The following NEDD4 variants were observed in gnomAD, a reference collection of about 807,000 sequenced individuals.
NEDD4 encodes the protein E3 ubiquitin-protein ligase NEDD4.
A neutral mutation model predicts 144.9 loss-of-function variants in NEDD4; 99 were observed. The observed-to-expected ratio is 0.68, with a 90% confidence interval of 0.58 to 0.81. The LOEUF is 0.81. Among genes scored for constraint, NEDD4 ranks in the 30% least tolerant of loss-of-function variants. The probability of loss-of-function intolerance (pLI) is 0.00; values close to 1 mark genes in which losing one functional copy is unlikely to be tolerated. For synonymous variants in NEDD4, 318 were observed against 350.6 expected, an observed-to-expected ratio of 0.91 and a Z score of 1.04; for missense variants, 985 against 1,065.9, an observed-to-expected ratio of 0.92 and a Z score of 1.06.
chr15:55,962,381 A>G (rs886879922), intron 2 of NEDD4, among the ~76,000 whole-genome samples: 2 of 152,086 alleles, frequency 1.3e-5, no homozygotes. Context: ...GTAATTATTG[A>G]TATGATTGGA....
In NEDD4 at chr15:55,983,847, G is replaced by A. The variant is rs1228749289; in HGVS notation, c.45+9664C>T. 2.6e-5 allele frequency among the ~76,000 whole-genome samples: 4 copies of A among 152,088 alleles called. No individual in the cohort carries two copies. The East Asian group carries it at 7.7e-4, about 29-fold the overall frequency. On this transcript the variant is annotated intron_variant, in intron 1 of 28. Transcript: ENST00000435532. ...GCTGGTCTCGAACTCCTGACCTCAA[G>A]TGATCCACCCATCTCAGCCTCCGAA...
intron 5 of NEDD4, among the ~76,000 whole-genome samples, chr15:55,919,916 G>A (rs1261958083): frequency 6.6e-6 from 1 of 152,140 alleles, no homozygotes; most frequent in South Asian, 2.1e-4. Flanking sequence ...GTACCCACTT[G>A]TTTGGTCAAA....
At chr15:55,850,418 T>C (rs1320771898) in intron 14 of NEDD4, 124 bp downstream of exon 14, 1 of 868,244 alleles carries the variant, frequency 1.2e-6, no homozygotes, top group Non-Finnish European at 1.8e-6. Context: ...AAGAATTCAA[T>C]ATACCTTTCA....
At chr15:55,951,611 A>G (rs2037242447) in intron 2 of NEDD4, 22 bp from the exon 3 acceptor site, 1 of 1,267,202 alleles carries the variant, frequency 7.9e-7, no homozygotes, top group Non-Finnish European at 1.1e-6. Context: ...AAAAAAAAAA[A>G]GAAAGAAAAA....
At chr15:55,969,524 G>A (rs527245504) in intron 1 of NEDD4, among the ~76,000 whole-genome samples, 4 of 152,256 alleles carry the variant, frequency 2.6e-5, no homozygotes, top group African/African-American at 9.6e-5. Flanking sequence ...GCTCCAGGAG[G>A]AGAGGTAAGA....
rs1218654865 is a variant in NEDD4 at position 55,830,146 on chromosome 15, G to A, written c.2601-147C>T. The A allele has an allele frequency of 1.1e-5, 7 of 644,142 alleles. No individual in the cohort carries two copies. In the Admixed American group the frequency reaches 2.0e-4, roughly 18 times the overall value. 39.9% of individuals were successfully genotyped at this position (644,142 alleles called of 1,614,324 possible). A position where few individuals can be genotyped will look rare whatever the true frequency, so the allele number is the denominator to read the frequency against. The stretch of plus-strand genomic sequence containing the variant: ...CACCAGGGGTAGAAGTAAGACGTAG[G>A]ACTGGGTTCTGGGCATGGATACTCT... On this transcript the variant is annotated intron_variant, in intron 28 of 28. Transcript: ENST00000435532.
chr15:55,840,000 ATATATATATATATATATATATATAT>A (rs2033419631), intron 21 of NEDD4, among the ~76,000 whole-genome samples: 3 of 13,420 alleles, frequency 2.2e-4, no homozygotes, highest in African/African-American at 6.8e-4. Context: ...AAAAAAAAAA[ATATATATATATATATATATATATAT>A]ATATATATAT....
At chr15:55,845,475 G>A (rs1211682639) in intron 18 of NEDD4, among the ~76,000 whole-genome samples, 1 of 151,992 alleles carries the variant, frequency 6.6e-6, no homozygotes, top group African/African-American at 2.4e-5. Context: ...CTTCTAAGAA[G>A]AACGCCTGGT....
At chr15:55,985,750 A>G (rs1287201590) in intron 1 of NEDD4, among the ~76,000 whole-genome samples, 4 of 128,710 alleles carry the variant, frequency 3.1e-5, no homozygotes, top group African/African-American at 1.3e-4. Context: ...ATATGTGTGT[A>G]GAGTACACAT....
intron 8 of NEDD4, among the ~76,000 whole-genome samples, chr15:55,865,144 G>A (rs2034541849): frequency 6.9e-6 from 1 of 145,830 alleles, no homozygotes; most frequent in East Asian, 2.0e-4. Context: ...GTTGCAGTGA[G>A]CTGAGATCGC....
At chr15:55,973,429 C>T (rs2037645162) in intron 1 of NEDD4, among the ~76,000 whole-genome samples, 1 of 152,232 alleles carries the variant, frequency 6.6e-6, no homozygotes, top group African/African-American at 2.4e-5. Flanking sequence ...ACTCCCAGCT[C>T]ATCAGGAGGC....
chr15:55,896,028 A>G (rs941084306), intron 5 of NEDD4, among the ~76,000 whole-genome samples: 2 of 152,222 alleles, frequency 1.3e-5, no homozygotes, highest in African/African-American at 4.8e-5. Flanking sequence ...GTCCAGAGGA[A>G]AAACTAAATT....
chr15:55,934,529 G>C (rs1236099286), intron 4 of NEDD4, among the ~76,000 whole-genome samples: 1 of 152,064 alleles, frequency 6.6e-6, no homozygotes, highest in African/African-American at 2.4e-5. Context: ...TGAATAGAAA[G>C]TATTCCGGCA....
chr15:55,896,422 G>T (rs566508356), intron 5 of NEDD4, among the ~76,000 whole-genome samples: 1 of 152,198 alleles, frequency 6.6e-6, no homozygotes, highest in African/African-American at 2.4e-5. Flanking sequence ...GGCCTCAAGG[G>T]ATGCACCTGC....
chr15:55,881,638 A>C (rs2035197060), intron 5 of NEDD4, among the ~76,000 whole-genome samples: 1 of 152,230 alleles, frequency 6.6e-6, no homozygotes, highest in Admixed American at 6.5e-5. Flanking sequence ...GATTAAAAAA[A>C]ACAAAAACAA....
intron 1 of NEDD4, among the ~76,000 whole-genome samples, chr15:55,985,519 G>A (rs575769523): frequency 2.6e-5 from 4 of 152,170 alleles, no homozygotes; most frequent in Admixed American, 6.5e-5. Context: ...AGATGTCTGC[G>A]TGGTCAGGAA....
chr15:55,899,868 A>G (rs2035857916), intron 5 of NEDD4, among the ~76,000 whole-genome samples: 2 of 152,212 alleles, frequency 1.3e-5, no homozygotes, highest in African/African-American at 2.4e-5. Flanking sequence ...AATTTAATTT[A>G]AGCTAATTTA....
Position 55,850,670 on chromosome 15 carries a change from C to A in NEDD4, c.1219G>T (p.Asp407Tyr). 1 of 1,614,126 alleles carries A rather than the reference C, an allele frequency of 6.2e-7. No homozygotes were observed. The highest frequency in any genetic ancestry group is 8.5e-7 in the Non-Finnish European group (1 of 1,180,042). ...GGCTGGGTCACCTGCTGGCCTGAAT[C>A]ACTGGTGGAGGCTTGTGATTGAGGG... ...AGPQSQASTS[D>Y]SGQQVTQPSE... Residue 407 changes from aspartate (D) to tyrosine (Y), a missense_variant, in exon 14 of 29, where the codon GAT (aspartate) becomes TAT (tyrosine). Transcript: ENST00000435532.
intron 5 of NEDD4, among the ~76,000 whole-genome samples, chr15:55,886,644 G>C (rs1291861362): frequency 6.6e-6 from 1 of 151,734 alleles, no homozygotes; most frequent in African/African-American, 2.4e-5. Context: ...TGTAGTCCCA[G>C]CTACTCGGGA....
Sources: gnomAD v4.1 joint callset for allele counts (sites outside exome capture counted in the v4.1 genomes callset) on GRCh38, gnomAD v4.1.1 for gene constraint, MANE v1.5 for transcripts, NCBI Gene and HGNC (gene_info 2026-07-23, HGNC 2026-07-21) for gene names.